ITPR1: variants seen among roughly 807,000 people sequenced by gnomAD.
ITPR1 encodes inositol 1,4,5-trisphosphate-gated calcium channel ITPR1.
ITPR1 carries 96 observed loss-of-function variants against 318.4 expected under a neutral mutation model. The ratio of observed to expected loss-of-function variants is 0.30; its 90% CI spans 0.26 to 0.36. The LOEUF (loss-of-function observed/expected upper bound fraction) is 0.36. Ranked by LOEUF, ITPR1 falls within the 10% of genes least tolerant of loss-of-function variation. ITPR1 has a pLI of 1.00. For missense variants in ITPR1, 2,440 were observed against 3,460.2 expected (o/e 0.71, Z 7.40); for synonymous variants, 1,312 against 1,289.9 (o/e 1.02, Z -0.37).
chr3:4,639,253 A>G, intron 5 of ITPR1, 131 bp from the exon 6 acceptor site: 1 of 679,356 alleles, frequency 1.5e-6, no homozygotes, highest in Non-Finnish European at 2.6e-6. Context: ...TTGAAGCCTC[A>G]GGGTGTGTCC....
At chr3:4,684,599 G>C (rs1358999105) in intron 29 of ITPR1, among the ~76,000 whole-genome samples, 2 of 152,134 alleles carry the variant, frequency 1.3e-5, no homozygotes, top group South Asian at 4.2e-4. Flanking sequence ...CGTAGGCACC[G>C]CATATTTCTG....
At chr3:4,597,260 T>A (rs2090904747) in intron 4 of ITPR1, among the ~76,000 whole-genome samples, 1 of 152,198 alleles carries the variant, frequency 6.6e-6, no homozygotes, top group African/African-American at 2.4e-5. Flanking sequence ...CCAGATAGAA[T>A]GTTGTCTGTG....
chr3:4,780,091 T>G (rs75220435), intron 49 of ITPR1, among the ~76,000 whole-genome samples: 3,138 of 152,076 alleles, frequency 0.021, 104 homozygotes, highest in African/African-American at 0.071. Flanking sequence ...CTTAGACTTC[T>G]CTGAGCTGCA....
intron 4 of ITPR1, among the ~76,000 whole-genome samples, chr3:4,572,450 C>A (rs545909587): frequency 1.3e-5 from 2 of 151,952 alleles, no homozygotes; most frequent in Non-Finnish European, 2.9e-5. Flanking sequence ...TATAAAAGAA[C>A]GCAAATTTGC....
chr3:4,844,449 A>G (rs1575453808), intron 61 of ITPR1, among the ~76,000 whole-genome samples: 3 of 152,346 alleles, frequency 2.0e-5, no homozygotes, highest in African/African-American at 4.8e-5. Context: ...TTCTAAATCA[A>G]TTTGAACACT....
rs773292092 is a variant in ITPR1, at chr3:4,766,583, G to A, written c.5598G>A (p.Lys1866=). 26 of 1,613,632 alleles carry A rather than the reference G, an allele frequency of 1.6e-5. No individual in the cohort carries two copies. Among genetic ancestry groups the A allele is most frequent in the Non-Finnish European group, 2.0e-5 (24 of 1,179,732 alleles). Residue 1866 remains lysine (K), a synonymous_variant, in exon 45 of 62, where the codon AAG becomes AAA. Coordinates refer to ENST00000649015, the MANE Select transcript of ITPR1 (RefSeq NM_001378452.1). ...ATAAGAAGTCAGAGAAATTCTTTAA[G>A]GTGTTTTATGACCGGATGAAGGTGG... ...TEDKKSEKFF[K]VFYDRMKVAQ...
chr3:4,691,048 T>C (rs894820261), intron 31 of ITPR1, 96 bp from the exon 32 acceptor site: 6 of 723,340 alleles, frequency 8.3e-6, no homozygotes, highest in Middle Eastern at 2.5e-4. Context: ...GCTTCCCTTG[T>C]GTGTGTTTCA....
chr3:4,761,214 G>C (rs1400151732), intron 44 of ITPR1, among the ~76,000 whole-genome samples: 2 of 152,076 alleles, frequency 1.3e-5, no homozygotes, highest in Admixed American at 6.5e-5. Flanking sequence ...CTGAGGTTTG[G>C]GGGGGTTCAC....
chr3:4,827,373 T>C (rs775252180), intron 60 of ITPR1, among the ~76,000 whole-genome samples: 1 of 152,232 alleles, frequency 6.6e-6, no homozygotes, highest in Non-Finnish European at 1.5e-5. Context: ...AAAATGCACT[T>C]ATAAAACTGC....
intron 34 of ITPR1, among the ~76,000 whole-genome samples, chr3:4,698,336 C>T (rs181172214): frequency 4.6e-5 from 7 of 152,144 alleles, no homozygotes; most frequent in African/African-American, 9.6e-5. Flanking sequence ...GAGTGAGAAC[C>T]GTATTTAGTA....
chr3:4,502,922 A>G (rs1399266304), intron 2 of ITPR1, among the ~76,000 whole-genome samples: 1 of 151,818 alleles, frequency 6.6e-6, no homozygotes, highest in African/African-American at 2.4e-5. Flanking sequence ...TCTCTACTAA[A>G]ATTACAAAAA....
rs17040922 is a variant in ITPR1, at chr3:4,567,339, T to G, written c.163+46245T>G. ...ACGTGATTGCTAATAGAGTAATACC[T>G]TGTTGAATTTGTGTAATGTTCCAGG... is the stretch of plus-strand genomic sequence containing the variant. On this transcript the variant is annotated intron_variant, in intron 4 of 61. Transcript: ENST00000649015. Among the ~76,000 whole-genome samples, 1,052 of 152,280 alleles carry G rather than the reference T, an allele frequency of 6.9e-3. 14 individuals are homozygous for G. Among genetic ancestry groups the G allele is most frequent in the African/African-American group, 0.024 (999 of 41,548 alleles).
intron 44 of ITPR1, chr3:4,751,526 T>A (rs548461778): frequency 2.0e-5 from 3 of 152,246 alleles, no homozygotes; most frequent in African/African-American, 7.2e-5. Context: ...AATATGTAGT[T>A]CCATGAGGAC....
intron 4 of ITPR1, among the ~76,000 whole-genome samples, chr3:4,560,680 G>T (rs2086584849): frequency 6.6e-6 from 1 of 152,184 alleles, no homozygotes; most frequent in Non-Finnish European, 1.5e-5. Flanking sequence ...AGCCTTGAAA[G>T]AATCTTCTTG....
At chr3:4,674,721 A>G (rs2094150151) in intron 22 of ITPR1, among the ~76,000 whole-genome samples, 1 of 152,188 alleles carries the variant, frequency 6.6e-6, no homozygotes, top group Non-Finnish European at 1.5e-5. Flanking sequence ...TTGCCTTTTA[A>G]GAGCTGTATT....
At chr3:4,627,711 G>C in intron 4 of ITPR1, 52 bp from the exon 5 acceptor site, 1 of 1,030,292 alleles carries the variant, frequency 9.7e-7, no homozygotes, top group African/African-American at 1.6e-5. Context: ...TCCTTAGGCT[G>C]AGTCTCTATA....
At position 4,708,727 on chromosome 3, in the gene ITPR1, C is replaced by T. The variant is rs541638871; in HGVS notation, c.4843-1598C>T. On this transcript the variant is annotated intron_variant, in intron 37 of 61. Coordinates refer to ENST00000649015, the MANE Select transcript of ITPR1 (RefSeq NM_001378452.1). ...GGGCAGTACTGTTCTAAGGACTTGG[C>T]CAGTGACGTAAAGGATTTGCATTAT... 1.2e-3 allele frequency among the ~76,000 whole-genome samples: 178 copies of T among 152,282 alleles called. 2 individuals are homozygous for T. Among genetic ancestry groups the T allele is most frequent in the Admixed American group, 2.4e-3 (37 of 15,312 alleles).
intron 44 of ITPR1, among the ~76,000 whole-genome samples, chr3:4,741,798 A>C (rs749697075): frequency 1.3e-5 from 2 of 152,130 alleles, no homozygotes; most frequent in African/African-American, 2.4e-5. Flanking sequence ...GGAGGAGGAA[A>C]AGATTGGTGT....
At chr3:4,591,462 A>G (rs2090393382) in intron 4 of ITPR1, among the ~76,000 whole-genome samples, 1 of 152,162 alleles carries the variant, frequency 6.6e-6, no homozygotes, top group East Asian at 1.9e-4. Flanking sequence ...TTTGATCTGC[A>G]TTTCTCTAAT....
Sources: gnomAD v4.1 joint callset for allele counts (sites outside exome capture counted in the v4.1 genomes callset) on GRCh38, gnomAD v4.1.1 for gene constraint, MANE v1.5 for transcripts, NCBI Gene and HGNC (gene_info 2026-07-23, HGNC 2026-07-21) for gene names.